LRP1B: variants seen among roughly 807,000 people sequenced by gnomAD.
LRP1B encodes low-density lipoprotein receptor-related protein 1B.
Under a neutral mutation model 556.6 loss-of-function variants are expected in LRP1B, and 217 were observed. The ratio of observed to expected loss-of-function variants is 0.39; its 90% CI spans 0.35 to 0.44. The LOEUF is 0.44. Ranked by LOEUF, LRP1B falls within the 20% of genes least tolerant of loss-of-function variation. The probability of loss-of-function intolerance (pLI) is 1.00; values close to 1 mark genes in which losing one functional copy is unlikely to be tolerated. For missense variants in LRP1B, 5,053 were observed against 5,620.8 expected, an observed-to-expected ratio of 0.90 and a Z score of 3.23; for synonymous variants, 2,047 against 1,865.8, an observed-to-expected ratio of 1.10 and a Z score of -2.50.
At chr2:141,165,495 T>A (rs1249736222) in intron 7 of LRP1B, among the ~76,000 whole-genome samples, 1 of 152,038 alleles carries the variant, frequency 6.6e-6, no homozygotes, top group African/African-American at 2.4e-5. Context: ...TAATTTTACA[T>A]CATTTATTAG....
At chr2:140,644,110 TCTG>T (rs1405246816) in intron 41 of LRP1B, among the ~76,000 whole-genome samples, 1 of 152,336 alleles carries the variant, frequency 6.6e-6, no homozygotes, top group South Asian at 2.1e-4. Flanking sequence ...AGCTGTTTGG[TCTG>T]CTGCTATTAC....
At chr2:141,165,889 A>G (rs1680230988) in intron 7 of LRP1B, among the ~76,000 whole-genome samples, 1 of 152,052 alleles carries the variant, frequency 6.6e-6, no homozygotes, top group Non-Finnish European at 1.5e-5. Flanking sequence ...GAATGTTTCC[A>G]GTTCAAGTCT....
At chr2:140,589,932 G>C (rs906264048) in intron 43 of LRP1B, among the ~76,000 whole-genome samples, 5 of 152,078 alleles carry the variant, frequency 3.3e-5, no homozygotes, top group Non-Finnish European at 7.4e-5. Flanking sequence ...TCTGTATCTT[G>C]ACCACATAAG....
At chr2:141,091,492 T>A (rs929007631) in intron 7 of LRP1B, among the ~76,000 whole-genome samples, 1 of 152,196 alleles carries the variant, frequency 6.6e-6, no homozygotes, top group Admixed American at 6.5e-5. Flanking sequence ...ACGTGCACAG[T>A]GATTTTCTCC....
intron 3 of LRP1B, among the ~76,000 whole-genome samples, chr2:141,345,870 C>T (rs1436417061): frequency 6.6e-6 from 1 of 151,814 alleles, no homozygotes; most frequent in Non-Finnish European, 1.5e-5. Context: ...AGGTTAACCT[C>T]TAATTTTCTT....
At chr2:141,165,317 TTC>T (rs1437166262) in intron 7 of LRP1B, among the ~76,000 whole-genome samples, 2 of 145,012 alleles carry the variant, frequency 1.4e-5, no homozygotes, top group Non-Finnish European at 3.0e-5. Context: ...TAGGTTGCAC[TTC>T]TAGTTTACCA....
intron 43 of LRP1B, among the ~76,000 whole-genome samples, chr2:140,554,315 T>C (rs1433865200): frequency 6.6e-6 from 1 of 152,002 alleles, no homozygotes; most frequent in African/African-American, 2.4e-5. Flanking sequence ...ATATTTTTAT[T>C]TTCTTGCCGT....
intron 2 of LRP1B, among the ~76,000 whole-genome samples, chr2:141,753,382 C>T (rs1032310199): frequency 6.6e-5 from 10 of 150,586 alleles, no homozygotes; most frequent in Non-Finnish European, 1.3e-4. Flanking sequence ...GTATTCTCCA[C>T]CAAATCTATA....
At chr2:141,423,209 T>C (rs1680205802) in intron 3 of LRP1B, among the ~76,000 whole-genome samples, 1 of 151,950 alleles carries the variant, frequency 6.6e-6, no homozygotes, top group Non-Finnish European at 1.5e-5. Flanking sequence ...ATGTATTGCA[T>C]TGGCTGATGT....
chr2:142,015,789 C>T (rs776441446), intron 1 of LRP1B, among the ~76,000 whole-genome samples: 2 of 151,686 alleles, frequency 1.3e-5, no homozygotes, highest in South Asian at 2.1e-4. Context: ...GTCAGGCGAT[C>T]GAGACCATCC....
At chr2:140,963,628 T>A (rs1696105928) in intron 18 of LRP1B, among the ~76,000 whole-genome samples, 1 of 151,906 alleles carries the variant, frequency 6.6e-6, no homozygotes, top group South Asian at 2.1e-4. Flanking sequence ...CTACCAGAAA[T>A]AATCTGCTGA....
intron 1 of LRP1B, among the ~76,000 whole-genome samples, chr2:142,019,430 C>A (rs1703258606): frequency 6.6e-6 from 1 of 152,132 alleles, no homozygotes; most frequent in Non-Finnish European, 1.5e-5. Flanking sequence ...TGGGCCTTAT[C>A]TGCCGTTTCT....
intron 7 of LRP1B, among the ~76,000 whole-genome samples, chr2:141,149,672 C>A (rs866780170): frequency 9.2e-5 from 14 of 152,110 alleles, no homozygotes; most frequent in African/African-American, 3.4e-4. Flanking sequence ...TGAGGCACTG[C>A]GTCGGCTTCA....
intron 1 of LRP1B, among the ~76,000 whole-genome samples, chr2:141,884,070 A>G (rs1699036097): frequency 6.6e-6 from 1 of 152,172 alleles, no homozygotes; most frequent in African/African-American, 2.4e-5. Context: ...CTGAGTCTTT[A>G]TCAACTTTAA....
chr2:141,369,571 AG>A (rs1171026230), intron 3 of LRP1B, among the ~76,000 whole-genome samples: 4 of 152,346 alleles, frequency 2.6e-5, no homozygotes, highest in Admixed American at 6.5e-5. Context: ...ATAAAATATT[AG>A]ATTTCCATTA....
chr2:141,365,378 G>A (rs534287639), intron 3 of LRP1B, among the ~76,000 whole-genome samples: 1 of 151,814 alleles, frequency 6.6e-6, no homozygotes, highest in Non-Finnish European at 1.5e-5. Context: ...AAGAAAGCAT[G>A]CTTGCATTTA....
chr2:141,630,001 A>G (rs1688851017), intron 2 of LRP1B, among the ~76,000 whole-genome samples: 1 of 152,138 alleles, frequency 6.6e-6, no homozygotes, highest in Non-Finnish European at 1.5e-5. Context: ...AATCTTCAAA[A>G]GCACCCACAA....
intron 28 of LRP1B, 55 bp from the exon 29 acceptor site, chr2:140,850,384 T>A (rs2105118689): frequency 9.6e-7 from 1 of 1,039,596 alleles, no homozygotes; most frequent in Non-Finnish European, 1.4e-6. Flanking sequence ...CTTGAAAGTC[T>A]AGAAATTCTA....
chr2:141,251,685 T>C (rs1684266481), intron 4 of LRP1B, among the ~76,000 whole-genome samples: 1 of 152,074 alleles, frequency 6.6e-6, no homozygotes, highest in African/African-American at 2.4e-5. Context: ...AGAAGTAAAG[T>C]TCTTCTGAAA....
Sources: allele counts gnomAD v4.1 joint callset (sites outside exome capture counted in the v4.1 genomes callset), GRCh38; gene constraint gnomAD v4.1.1; transcripts MANE v1.5; gene names NCBI Gene and HGNC (gene_info 2026-07-23, HGNC 2026-07-21).